Variants in PIK3C2A observed in about 807,000 individuals in gnomAD.
PIK3C2A encodes phosphatidylinositol 4-phosphate 3-kinase C2 domain-containing subunit alpha.
PIK3C2A carries 97 observed loss-of-function variants against 204.5 expected under a neutral mutation model. That is an observed-to-expected ratio of 0.47 (90% CI 0.40 to 0.56). The LOEUF is 0.56. Ranked by LOEUF, PIK3C2A falls within the 20% of genes least tolerant of loss-of-function variation. The pLI, the probability that PIK3C2A is intolerant of heterozygous loss-of-function variation, is 0.00. For missense variants in PIK3C2A, 1,735 were observed against 1,969.2 expected, an observed-to-expected ratio of 0.88 and a Z score of 2.25; for synonymous variants, 653 against 664.4, an observed-to-expected ratio of 0.98 and a Z score of 0.26.
chr11:17,147,774 G>C (rs1850290732), intron 5 of PIK3C2A, 146 bp from the exon 6 acceptor site: 5 of 577,826 alleles, frequency 8.7e-6, no homozygotes. Flanking sequence ...CATTTAAACA[G>C]AGAAATTATT....
At chr11:17,151,166 C>T (rs1850414773) in intron 3 of PIK3C2A, among the ~76,000 whole-genome samples, 1 of 152,178 alleles carries the variant, frequency 6.6e-6, no homozygotes, top group South Asian at 2.1e-4. Flanking sequence ...TACAGTGCTA[C>T]AAGGCCTTTC....
At chr11:17,161,142 T>C (rs1460928921) in intron 2 of PIK3C2A, among the ~76,000 whole-genome samples, 1 of 152,180 alleles carries the variant, frequency 6.6e-6, no homozygotes, top group African/African-American at 2.4e-5. Context: ...ATGGGGAAGA[T>C]TTATACCTAT....
chr11:17,170,597 AT>A (rs1182361587), intron 1 of PIK3C2A, among the ~76,000 whole-genome samples: 4 of 152,202 alleles, frequency 2.6e-5, no homozygotes, highest in Non-Finnish European at 5.9e-5. Context: ...TGAGAAGATA[AT>A]TTTTAAACTT....
chr11:17,100,631 T>C (rs1417570287), intron 25 of PIK3C2A, among the ~76,000 whole-genome samples: 1 of 152,186 alleles, frequency 6.6e-6, no homozygotes, highest in Non-Finnish European at 1.5e-5. Flanking sequence ...ACTTGAATAG[T>C]ATACATTGTA....
intron 5 of PIK3C2A, chr11:17,148,260 A>C (rs1050086096): frequency 6.5e-6 from 1 of 154,448 alleles, no homozygotes; most frequent in Non-Finnish European, 1.4e-5. Flanking sequence ...AAAGATTCAT[A>C]TAATGATTAT....
At chr11:17,188,772 T>C (rs1851842233) in intron 1 of PIK3C2A, among the ~76,000 whole-genome samples, 1 of 146,818 alleles carries the variant, frequency 6.8e-6, no homozygotes. Context: ...CTCCCTGAAG[T>C]ACAAGGCAGT....
At chr11:17,118,076 C>T (rs931037178) in intron 18 of PIK3C2A, among the ~76,000 whole-genome samples, 2 of 136,830 alleles carry the variant, frequency 1.5e-5, no homozygotes, top group African/African-American at 2.7e-5. Context: ...ATTTTTTTTT[C>T]TTTTTTTTTT....
At chr11:17,179,100 G>A (rs1431660888) in intron 1 of PIK3C2A, among the ~76,000 whole-genome samples, 3 of 151,854 alleles carry the variant, frequency 2.0e-5, no homozygotes, top group African/African-American at 7.2e-5. Context: ...CCTGACCTCA[G>A]GTAATCCGCC....
chr11:17,100,198 T>G (rs2137281523), intron 25 of PIK3C2A, among the ~76,000 whole-genome samples: 1 of 138,492 alleles, frequency 7.2e-6, no homozygotes, highest in East Asian at 2.2e-4. Flanking sequence ...GTTTATAGAA[T>G]TAAACCTGTG....
intron 1 of PIK3C2A, among the ~76,000 whole-genome samples, chr11:17,199,080 T>C (rs1046050464): frequency 1.3e-5 from 2 of 150,260 alleles, no homozygotes; most frequent in Non-Finnish European, 3.0e-5. Context: ...GATCATGCCA[T>C]TGCACTCCAG....
At chr11:17,140,581 A>G (rs1290063075) in intron 8 of PIK3C2A, among the ~76,000 whole-genome samples, 1 of 152,252 alleles carries the variant, frequency 6.6e-6, no homozygotes, top group African/African-American at 2.4e-5. Flanking sequence ...GATTCCATGT[A>G]CATGAAATGT....
At chr11:17,147,957 C>T (rs1850298684) in intron 5 of PIK3C2A, among the ~76,000 whole-genome samples, 1 of 152,092 alleles carries the variant, frequency 6.6e-6, no homozygotes, top group African/African-American at 2.4e-5. Context: ...GTGGCTGACA[C>T]CTGTAATCCC....
At chr11:17,160,087 G>A (rs1850724794) in intron 2 of PIK3C2A, among the ~76,000 whole-genome samples, 1 of 152,096 alleles carries the variant, frequency 6.6e-6, no homozygotes. Context: ...CAGATATCTG[G>A]ACACCTCATG....
Position 17,094,335 on chromosome 11 carries a change from G to A in PIK3C2A, c.4377C>T (p.Val1459=). The change falls in exon 28 of 33, where the codon GTC becomes GTT. Residue 1459 remains valine, a synonymous_variant. Transcript: ENST00000691414. ...CCTGAAATTCGTCAAATGTTCGGAA[G>A]ACAAATGATGGTTCAATCTGTCCTT... ...LREGQIEPSF[V]FRTFDEFQEL... 1 of 1,610,052 alleles carries A rather than the reference G, an allele frequency of 6.2e-7. No individual in the cohort carries two copies. Among genetic ancestry groups the A allele is most frequent in the South Asian group, 1.1e-5 (1 of 91,004 alleles).
chr11:17,108,493 A>C (rs892274845), intron 22 of PIK3C2A, among the ~76,000 whole-genome samples: 1 of 152,122 alleles, frequency 6.6e-6, no homozygotes, highest in Non-Finnish European at 1.5e-5. Flanking sequence ...GCATGCCATC[A>C]TATCAAGCTA....
chr11:17,114,423 G>C lies in PIK3C2A; in HGVS notation c.3259C>G (p.Gln1087Glu). Residue 1087 changes from glutamine to glutamate, a missense_variant, in exon 20 of 33, where the codon CAG (glutamine) becomes GAG (glutamate). Gln to Glu is a conservative substitution (Grantham distance 29, BLOSUM62 2). Transcript: ENST00000691414. ...AGAGGGAGACGGCATTTATTTTTCT[G>C]AAAAAAGGACTGTACTCGTTCCATA... ...RSMERVQSFFQKNKCRLPLKP... is the reference protein window; with the variant it reads ...RSMERVQSFFEKNKCRLPLKP... The C allele has an allele frequency of 6.3e-7, 1 of 1,594,188 alleles. No individual in the cohort carries two copies. Among genetic ancestry groups the C allele is most frequent in the Non-Finnish European group, 8.6e-7 (1 of 1,162,442 alleles).
At chr11:17,149,347 A>T (rs1249165106) in intron 4 of PIK3C2A, among the ~76,000 whole-genome samples, 3 of 152,158 alleles carry the variant, frequency 2.0e-5, no homozygotes, top group Non-Finnish European at 2.9e-5. Context: ...TTAAAAATTT[A>T]AAAATTAAAC....
chr11:17,163,597 T>C (rs1248763812), intron 2 of PIK3C2A, among the ~76,000 whole-genome samples: 1 of 151,830 alleles, frequency 6.6e-6, no homozygotes, highest in Non-Finnish European at 1.5e-5. Flanking sequence ...TTTTTTTCTA[T>C]AGACACGGGT....
intron 2 of PIK3C2A, among the ~76,000 whole-genome samples, chr11:17,159,838 G>A (rs772484242): frequency 9.9e-5 from 15 of 152,194 alleles, no homozygotes; most frequent in Non-Finnish European, 1.9e-4. Context: ...CAGAACGCAG[G>A]AAGGGCCAAT....
Sources: allele counts gnomAD v4.1 joint callset (sites outside exome capture counted in the v4.1 genomes callset), GRCh38; gene constraint gnomAD v4.1.1; transcripts MANE v1.5; gene names NCBI Gene and HGNC (gene_info 2026-07-23, HGNC 2026-07-21).